TBC1D22B: variants seen among roughly 807,000 people sequenced by gnomAD.
TBC1D22B encodes the protein TBC1 domain family member 22B, also known as chromosome 6 open reading frame 197.
TBC1D22B carries 32 observed loss-of-function variants against 69.1 expected under a neutral mutation model. The observed-to-expected ratio is 0.46, with a 90% CI of 0.35 to 0.62. The LOEUF (loss-of-function observed/expected upper bound fraction) is 0.62. Among genes scored for constraint, TBC1D22B ranks in the 20% least tolerant of loss-of-function variants. The pLI, the probability that TBC1D22B is intolerant of heterozygous loss-of-function variation, is 0.00. For synonymous variants in TBC1D22B, 206 were observed against 229.8 expected, an observed-to-expected ratio of 0.90 and a Z score of 0.94; for missense variants, 462 against 630.9, an observed-to-expected ratio of 0.73 and a Z score of 2.87.
chr6:37,280,735 T>C (rs1230564412), intron 3 of TBC1D22B, among the ~76,000 whole-genome samples: 1 of 152,204 alleles, frequency 6.6e-6, no homozygotes, highest in Non-Finnish European at 1.5e-5. Context: ...TGTCTGTAAA[T>C]AGGTAATATG....
chr6:37,266,682 T>G (rs1421878025), intron 1 of TBC1D22B, among the ~76,000 whole-genome samples: 1 of 152,082 alleles, frequency 6.6e-6, no homozygotes, highest in Non-Finnish European at 1.5e-5. Context: ...AGGCTGGTCT[T>G]GAACTCCTGA....
intron 3 of TBC1D22B, 93 bp downstream of exon 3, chr6:37,279,704 G>A: frequency 7.6e-7 from 1 of 1,311,974 alleles, no homozygotes; most frequent in Non-Finnish European, 1.0e-6. Flanking sequence ...CACTCAGGTA[G>A]ATATTCAACT....
At chr6:37,293,081 A>ATTTT (rs201611923) in intron 8 of TBC1D22B, among the ~76,000 whole-genome samples, 1 of 143,872 alleles carries the variant, frequency 7.0e-6, no homozygotes, top group African/African-American at 2.8e-5. Context: ...TATTATTATT[A>ATTTT]TTATTTTTTT....
chr6:37,282,033 C>A, intron 3 of TBC1D22B, 152 bp from the exon 4 acceptor site: 1 of 810,526 alleles, frequency 1.2e-6, no homozygotes, highest in Non-Finnish European at 2.0e-6. Context: ...GGTTCTGGCC[C>A]CTCGCTGCCC....
At chr6:37,290,566 A>G (rs1008397847) in intron 7 of TBC1D22B, among the ~76,000 whole-genome samples, 2 of 152,266 alleles carry the variant, frequency 1.3e-5, no homozygotes, top group South Asian at 4.1e-4. Context: ...GCTAAACCCC[A>G]GGGCCTTTCC....
chr6:37,268,912 A>T (rs1336129025), intron 1 of TBC1D22B, among the ~76,000 whole-genome samples: 1 of 152,186 alleles, frequency 6.6e-6, no homozygotes, highest in Non-Finnish European at 1.5e-5. Context: ...CTGCTATATA[A>T]ACATATTGCA....
chr6:37,276,900 AAAAAT>A (rs1766687393), intron 2 of TBC1D22B, among the ~76,000 whole-genome samples: 2 of 151,358 alleles, frequency 1.3e-5, no homozygotes, highest in African/African-American at 4.9e-5. Context: ...CAAAACAAAC[AAAAAT>A]ATATATATAT....
At chr6:37,324,162 G>A (rs1768328841) in intron 12 of TBC1D22B, 1 of 386,986 alleles carries the variant, frequency 2.6e-6, no homozygotes, top group Non-Finnish European at 5.2e-6. Context: ...GAAAGTTCCA[G>A]TACTGCAAAG....
At chr6:37,294,092 G>A (rs770650539) in intron 8 of TBC1D22B, among the ~76,000 whole-genome samples, 2 of 152,164 alleles carry the variant, frequency 1.3e-5, no homozygotes, top group African/African-American at 2.4e-5. Context: ...CAAATTGTCC[G>A]GAAGATCTAG....
At chr6:37,283,801 G>A (rs141300705) in intron 5 of TBC1D22B, among the ~76,000 whole-genome samples, 1,804 of 152,340 alleles carry the variant, frequency 0.012, 30 homozygotes, top group Middle Eastern at 0.044. Context: ...GCTGCCAGAA[G>A]TTCTGTCTGA....
Position 37,310,144 on chromosome 6 carries a change from A to G in TBC1D22B, c.983-2774A>G, listed in dbSNP as rs951762019. ...AATATAGCTTTATATATGTAAGTATATCTATATAGATATACTTACATATAT... is the reference window on the plus strand; with the variant it reads ...AATATAGCTTTATATATGTAAGTATGTCTATATAGATATACTTACATATAT... On this transcript the variant is annotated intron_variant, in intron 8 of 12. Coordinates refer to ENST00000373491, the MANE Select transcript of TBC1D22B (RefSeq NM_017772.4). Among the ~76,000 whole-genome samples the G allele has an allele frequency of 4.8e-5, 7 of 147,086 alleles. No individual in the cohort carries two copies. In the South Asian group the frequency reaches 8.4e-4, roughly 18 times the overall value.
chr6:37,274,924 C>T (rs1364140662), intron 2 of TBC1D22B, among the ~76,000 whole-genome samples: 2 of 152,238 alleles, frequency 1.3e-5, no homozygotes, highest in South Asian at 2.1e-4. Flanking sequence ...TAGTGGCATG[C>T]GCCTGTAATC....
intron 8 of TBC1D22B, among the ~76,000 whole-genome samples, chr6:37,304,106 A>G (rs1016230354): frequency 1.3e-5 from 2 of 152,228 alleles, no homozygotes; most frequent in African/African-American, 4.8e-5. Flanking sequence ...ACTGGAGGGC[A>G]GTGAGTTACA....
chr6:37,327,203 G>C (rs1768435433), intron 12 of TBC1D22B, among the ~76,000 whole-genome samples: 2 of 94,966 alleles, frequency 2.1e-5, no homozygotes, highest in Admixed American at 2.2e-4. Context: ...ATAGGGCCGG[G>C]CGCGGTGGCT....
At chr6:37,273,699 T>A (rs1047831659) in intron 2 of TBC1D22B, among the ~76,000 whole-genome samples, 38 of 152,220 alleles carry the variant, frequency 2.5e-4, no homozygotes, top group Non-Finnish European at 1.0e-4. Context: ...ATTGGTTCCC[T>A]TTTTCATGTA....
At chr6:37,289,856 G>A (rs1283639087) in intron 7 of TBC1D22B, among the ~76,000 whole-genome samples, 2 of 152,158 alleles carry the variant, frequency 1.3e-5, no homozygotes, top group Admixed American at 6.5e-5. Flanking sequence ...GTGTTGGGCC[G>A]AATGCAAATG....
intron 12 of TBC1D22B, among the ~76,000 whole-genome samples, chr6:37,319,399 A>T (rs1220021040): frequency 2.0e-5 from 3 of 152,228 alleles, no homozygotes; most frequent in Admixed American, 6.5e-5. Context: ...GCTTTGCCAT[A>T]TGTGATAAAA....
chr6:37,293,289 G>C (rs1258055572), intron 8 of TBC1D22B, among the ~76,000 whole-genome samples: 1 of 151,980 alleles, frequency 6.6e-6, no homozygotes, highest in Non-Finnish European at 1.5e-5. Context: ...ATGTTAGCCA[G>C]GATGGTCTCG....
intron 8 of TBC1D22B, among the ~76,000 whole-genome samples, chr6:37,296,054 A>G (rs1767356454): frequency 6.6e-6 from 1 of 152,166 alleles, no homozygotes; most frequent in Non-Finnish European, 1.5e-5. Context: ...AAAGATTATG[A>G]CTTGCTGAAG....
Sources: allele counts gnomAD v4.1 joint callset (sites outside exome capture counted in the v4.1 genomes callset), GRCh38; gene constraint gnomAD v4.1.1; transcripts MANE v1.5; gene names NCBI Gene and HGNC (gene_info 2026-07-23, HGNC 2026-07-21).